The following ZZEF1 variants were observed in gnomAD, a reference collection of about 807,000 sequenced individuals.
ZZEF1 encodes the protein zinc finger ZZ-type and EF-hand domain-containing protein 1.
In ZZEF1, 157 loss-of-function variants were observed where a neutral mutation model predicts 342.8. That is an observed-to-expected ratio of 0.46 (90% CI 0.40 to 0.52). The LOEUF (loss-of-function observed/expected upper bound fraction) is 0.52. Among genes scored for constraint, ZZEF1 ranks in the 20% least tolerant of loss-of-function variants. ZZEF1 has a pLI of 0.00. For missense variants in ZZEF1, 3,480 were observed against 3,725.6 expected, an observed-to-expected ratio of 0.93 and a Z score of 1.72; for synonymous variants, 1,505 against 1,429.1, an observed-to-expected ratio of 1.05 and a Z score of -1.20.
At chr17:4,116,408 C>T (rs181323232) in intron 3 of ZZEF1, among the ~76,000 whole-genome samples, 24 of 152,356 alleles carry the variant, frequency 1.6e-4, no homozygotes, top group Admixed American at 3.9e-4. Flanking sequence ...TGATTTATAA[C>T]ACTGACTTTA....
At position 4,081,354 on chromosome 17, in the gene ZZEF1, CAG is replaced by C. The variant is rs2057720472; in HGVS notation, c.2829+20_2829+21del. ...CCCCACAAGCATGAGACAAAGAAAA[CAG>C]GGAGGCAGCCACTGGATACCTCTCG... On this transcript the variant is annotated intron_variant, in intron 18 of 54. Coordinates refer to ENST00000381638, the MANE Select transcript of ZZEF1 (RefSeq NM_015113.4). The C allele has an allele frequency of 6.2e-7, 1 of 1,601,692 alleles. No individual in the cohort carries two copies. Among genetic ancestry groups the C allele is most frequent in the Admixed American group, 1.7e-5 (1 of 59,748 alleles).
intron 9 of ZZEF1, among the ~76,000 whole-genome samples, chr17:4,100,762 G>A (rs147993004): frequency 6.6e-6 from 1 of 152,204 alleles, no homozygotes; most frequent in Non-Finnish European, 1.5e-5. Flanking sequence ...TTGAACCCGG[G>A]AGGAGGAGGT....
At chr17:4,097,121 T>C (rs2058048314) in intron 9 of ZZEF1, among the ~76,000 whole-genome samples, 2 of 150,882 alleles carry the variant, frequency 1.3e-5, no homozygotes, top group Admixed American at 6.6e-5. Flanking sequence ...ATTATCCAGG[T>C]GTGGTGGCGG....
chr17:4,064,280 A>G, intron 29 of ZZEF1, 81 bp downstream of exon 29: 2 of 1,084,210 alleles, frequency 1.8e-6, no homozygotes, highest in Non-Finnish European at 2.7e-6. Flanking sequence ...TTCGTTTTTA[A>G]CATGAACTTC....
chr17:4,139,310 G>A (rs2058804289), intron 1 of ZZEF1, among the ~76,000 whole-genome samples: 1 of 152,168 alleles, frequency 6.6e-6, no homozygotes, highest in East Asian at 1.9e-4. Context: ...GGCAGCGTAA[G>A]TTGGGAAGCC....
At chr17:4,018,547 A>G (rs931016264) in intron 46 of ZZEF1, among the ~76,000 whole-genome samples, 1 of 152,184 alleles carries the variant, frequency 6.6e-6, no homozygotes, top group Non-Finnish European at 1.5e-5. Context: ...TTACGAACAG[A>G]AAAAGGAAAC....
At chr17:4,122,419 C>A (rs1416119790) in intron 2 of ZZEF1, among the ~76,000 whole-genome samples, 1 of 151,698 alleles carries the variant, frequency 6.6e-6, no homozygotes, top group Non-Finnish European at 1.5e-5. Flanking sequence ...GCTCTTGTTG[C>A]CCAGGCTGGA....
At chr17:4,051,824 G>A (rs2057053476) in intron 35 of ZZEF1, 147 bp downstream of exon 35, 2 of 723,708 alleles carry the variant, frequency 2.8e-6, no homozygotes, top group Non-Finnish European at 4.3e-6. Flanking sequence ...ATGGGTACAT[G>A]AAGGTTCACT....
At chr17:4,044,464 T>C (rs2056868477) in intron 37 of ZZEF1, 90 bp from the exon 38 acceptor site, 1 of 1,253,238 alleles carries the variant, frequency 8.0e-7, no homozygotes, top group Non-Finnish European at 1.1e-6. Flanking sequence ...TAGCCAGTCT[T>C]CATAGACTAA....
intron 11 of ZZEF1, among the ~76,000 whole-genome samples, chr17:4,091,158 G>A (rs541550820): frequency 6.6e-6 from 1 of 152,334 alleles, no homozygotes; most frequent in East Asian, 1.9e-4. Flanking sequence ...GCAACAGCTG[G>A]CATGTGCTTC....
chr17:4,008,217 C>T lies in ZZEF1; in HGVS notation c.8805+666G>A, dbSNP rs2055854890. On this transcript the variant is annotated intron_variant, in intron 54 of 54. Transcript: ENST00000381638. The surrounding 1 kb of genome is among the most constrained non-coding windows in gnomAD (Gnocchi z 4.2). ...ATGAGAGGGGTCTGCAAGGATGGAA[C>T]ACAACAGCGCCACCCTCTGCAGGCA... 1 of 152,346 alleles carries T rather than the reference C, an allele frequency of 6.6e-6. No individual in the cohort carries two copies. The highest frequency in any genetic ancestry group is 1.5e-5 in the Non-Finnish European group (1 of 68,160). 9.4% of individuals were successfully genotyped at this position (152,346 alleles called of 1,614,324 possible).
intron 18 of ZZEF1, among the ~76,000 whole-genome samples, chr17:4,080,365 G>C (rs528405111): frequency 6.6e-4 from 100 of 152,032 alleles, no homozygotes; most frequent in Non-Finnish European, 1.4e-3. Flanking sequence ...TTTTGAGACA[G>C]AGTTTCGCTC....
At chr17:4,085,075 G>A (rs550484571) in intron 16 of ZZEF1, among the ~76,000 whole-genome samples, 1 of 152,240 alleles carries the variant, frequency 6.6e-6, no homozygotes, top group Admixed American at 6.5e-5. Context: ...TTGCACCACT[G>A]CACTCCAGCC....
At chr17:4,135,235 G>T (rs1297424983) in intron 1 of ZZEF1, among the ~76,000 whole-genome samples, 1 of 152,136 alleles carries the variant, frequency 6.6e-6, no homozygotes, top group South Asian at 2.1e-4. Flanking sequence ...CAGCACTTCG[G>T]GAGCCCAAGG....
chr17:4,104,859 A>G, intron 7 of ZZEF1, 48 bp from the exon 8 acceptor site: 3 of 1,564,268 alleles, frequency 1.9e-6, no homozygotes, highest in Non-Finnish European at 2.6e-6. Flanking sequence ...ACATGAAAAA[A>G]TCCAGGTAGC....
At chr17:4,101,777 G>A (rs1453929752) in intron 9 of ZZEF1, among the ~76,000 whole-genome samples, 1 of 152,006 alleles carries the variant, frequency 6.6e-6, no homozygotes, top group Non-Finnish European at 1.5e-5. Flanking sequence ...CAGGTGCCCT[G>A]CCACCACAAC....
intron 6 of ZZEF1, among the ~76,000 whole-genome samples, chr17:4,108,937 T>C (rs1466005506): frequency 2.0e-5 from 3 of 152,170 alleles, no homozygotes; most frequent in African/African-American, 4.8e-5. Flanking sequence ...TTTTGGCTGA[T>C]ACTCTCACCG....
In ZZEF1 at chr17:4,076,972, C is replaced by T. The variant is rs1344688588; in HGVS notation, c.3007G>A (p.Ala1003Thr). 1 of 1,613,444 alleles carries T rather than the reference C, an allele frequency of 6.2e-7. No homozygotes were observed. The highest frequency in any genetic ancestry group is 2.2e-5 in the East Asian group (1 of 44,866). The change falls in exon 20 of 55, where the codon GCA (alanine) becomes ACA (threonine). Residue 1003 changes from alanine to threonine, a missense_variant. Physicochemically the swap from Ala to Thr is moderately conservative, Grantham distance 58 (BLOSUM62 0). This residue lies in a region of ZZEF1 where 1,528 missense variants were observed against 1,624.1 expected (regional missense o/e 0.94). Coordinates refer to ENST00000381638, the MANE Select transcript of ZZEF1 (RefSeq NM_015113.4). ...LIEKYVGQFL[A>T]SMRAILESLF... ...GATTCCAAAATCGCTCTCATGCTTG[C>T]CAGAAACTGGCCCACATCTACCGAA... is the stretch of plus-strand genomic sequence containing the variant.
intron 39 of ZZEF1, among the ~76,000 whole-genome samples, chr17:4,036,119 C>T (rs1031658947): frequency 1.3e-5 from 2 of 149,464 alleles, no homozygotes; most frequent in Non-Finnish European, 3.0e-5. Context: ...GAAAGGAGGA[C>T]ACCTCAAAAG....
Sources: gnomAD v4.1 joint callset for allele counts (sites outside exome capture counted in the v4.1 genomes callset) on GRCh38, gnomAD v4.1.1 for gene constraint, gnomAD v4.1.1 regional missense constraint, Gnocchi (gnomAD v3.1) non-coding constraint, MANE v1.5 for transcripts, NCBI Gene and HGNC (gene_info 2026-07-23, HGNC 2026-07-21) for gene names.